ANXA8: variants seen among roughly 807,000 people sequenced by gnomAD.
ANXA8 encodes VAC-beta.
In ANXA8, 9 loss-of-function variants were observed where a neutral mutation model predicts 26.8. The observed-to-expected ratio is 0.34, with a 90% CI of 0.20 to 0.59. The LOEUF (loss-of-function observed/expected upper bound fraction) is 0.59. Ranked by LOEUF, ANXA8 falls within the 20% of genes least tolerant of loss-of-function variation. The pLI is 0.84. For missense variants in ANXA8, 83 were observed against 238.5 expected (o/e 0.35, Z 4.29); for synonymous variants, 39 against 94.8 (o/e 0.41, Z 3.42).
chr10:47,552,129 T>A, the ANXA8 span, among the ~76,000 whole-genome samples: 1 of 151,792 alleles, frequency 6.6e-6, no homozygotes, highest in African/African-American at 2.4e-5. Context: ...TGTTATGCTA[T>A]AAATTAGATG....
At chr10:47,736,954 C>T in the ANXA8 span, among the ~76,000 whole-genome samples, 1 of 151,802 alleles carries the variant, frequency 6.6e-6, no homozygotes, top group East Asian at 1.9e-4. Flanking sequence ...TGCGCCCAGC[C>T]TTAATTGAAT....
the ANXA8 span, among the ~76,000 whole-genome samples, chr10:47,520,807 C>A: frequency 2.6e-5 from 2 of 76,518 alleles, no homozygotes; most frequent in Admixed American, 1.7e-4. Flanking sequence ...TTGAGGCCAG[C>A]ATGAGTAACA....
the ANXA8 span, among the ~76,000 whole-genome samples, chr10:47,696,727 C>T: frequency 1.5e-4 from 22 of 142,104 alleles, 1 homozygote; most frequent in South Asian, 1.5e-3. Context: ...TATCATGTTT[C>T]GTTTTCTTAG....
chr10:47,614,299 T>G, the ANXA8 span, among the ~76,000 whole-genome samples: 2 of 74,672 alleles, frequency 2.7e-5, 1 homozygote, highest in Admixed American at 2.9e-4. Context: ...AATAGCAGTT[T>G]TCCCATGAGT....
the ANXA8 span, among the ~76,000 whole-genome samples, chr10:47,593,442 C>T: frequency 6.7e-6 from 1 of 149,888 alleles, no homozygotes; most frequent in Non-Finnish European, 1.5e-5. Flanking sequence ...CCCATAGGGG[C>T]CCAGAAAGCG....
the ANXA8 span, among the ~76,000 whole-genome samples, chr10:47,590,600 C>G: frequency 6.8e-6 from 1 of 146,310 alleles, no homozygotes; most frequent in Non-Finnish European, 1.5e-5. Context: ...CACAGCACCA[C>G]AGAAGCAAGT....
the ANXA8 span, among the ~76,000 whole-genome samples, chr10:47,940,301 A>G: frequency 6.9e-6 from 1 of 144,554 alleles, no homozygotes; most frequent in Non-Finnish European, 1.5e-5. Context: ...ATGCCCCCTG[A>G]GAGGACAGTA....
chr10:47,736,717 C>T, the ANXA8 span, among the ~76,000 whole-genome samples: 5,382 of 145,100 alleles, frequency 0.037, 1 homozygote, highest in Middle Eastern at 0.051. Flanking sequence ...TGCAGTGGTG[C>T]GATCTTGGCT....
At chr10:47,664,221 C>T in the ANXA8 span, among the ~76,000 whole-genome samples, 12 of 151,780 alleles carry the variant, frequency 7.9e-5, no homozygotes, top group Non-Finnish European at 4.4e-5. Flanking sequence ...ACTAAAAATA[C>T]AAAAAAATGA....
chr10:47,605,102 C>T, the ANXA8 span, among the ~76,000 whole-genome samples: 2 of 148,202 alleles, frequency 1.3e-5, no homozygotes, highest in Admixed American at 6.7e-5. Context: ...GTTTATATGC[C>T]ACTTATAAAA....
intron 1 of ANXA8, among the ~76,000 whole-genome samples, chr10:47,480,837 C>T (rs1424429746): frequency 1.1e-5 from 1 of 90,248 alleles, no homozygotes; most frequent in Non-Finnish European, 2.2e-5. Context: ...TCCATCCACC[C>T]ACCCATCCAT....
At chr10:47,946,082 C>G in the ANXA8 span, among the ~76,000 whole-genome samples, 1 of 148,178 alleles carries the variant, frequency 6.7e-6, no homozygotes, top group East Asian at 2.1e-4. Flanking sequence ...CCACACTGGC[C>G]TTTGAGTTTG....
the ANXA8 span, among the ~76,000 whole-genome samples, chr10:47,741,386 A>T: frequency 5.5e-5 from 2 of 36,038 alleles, no homozygotes; most frequent in African/African-American, 2.0e-4. Context: ...AATATATATT[A>T]AGAAAAATAA....
At chr10:47,663,343 C>T in the ANXA8 span, among the ~76,000 whole-genome samples, 1 of 146,936 alleles carries the variant, frequency 6.8e-6, no homozygotes, top group Non-Finnish European at 1.5e-5. Flanking sequence ...AATATTTATA[C>T]ACCCTTTGTA....
chr10:47,585,492 T>G, the ANXA8 span, among the ~76,000 whole-genome samples: 1 of 136,560 alleles, frequency 7.3e-6, no homozygotes, highest in African/African-American at 2.9e-5. Flanking sequence ...CCCGTGGATA[T>G]GAGGATGAAG....
the ANXA8 span, among the ~76,000 whole-genome samples, chr10:47,892,396 A>G: frequency 9.9e-6 from 1 of 101,174 alleles, no homozygotes. Context: ...TGCCTGGGAG[A>G]GGGGTAGAAA....
the ANXA8 span, among the ~76,000 whole-genome samples, chr10:47,493,811 T>G: frequency 1.5e-5 from 2 of 137,874 alleles, no homozygotes; most frequent in African/African-American, 5.6e-5. Flanking sequence ...GTGTGAGCAC[T>G]GTGATTCTAA....
the ANXA8 span, among the ~76,000 whole-genome samples, chr10:47,900,874 C>T: frequency 2.7e-4 from 41 of 151,300 alleles, no homozygotes; most frequent in Admixed American, 7.2e-4. Context: ...AAACTAGTAC[C>T]TTGAGAAAGA....
chr10:47,561,256 A>AT, the ANXA8 span, among the ~76,000 whole-genome samples: 1 of 151,628 alleles, frequency 6.6e-6, no homozygotes, highest in Non-Finnish European at 1.5e-5. Context: ...TTACTCAGTG[A>AT]TTTTGAAATG....
Sources: gnomAD v4.1 joint callset for allele counts (sites outside exome capture counted in the v4.1 genomes callset) on GRCh38, gnomAD v4.1.1 for gene constraint, MANE v1.5 for transcripts, NCBI Gene and HGNC (gene_info 2026-07-23, HGNC 2026-07-21) for gene names.